Variants in GRIP1 observed in about 807,000 individuals in gnomAD.
The protein encoded by GRIP1 is glutamate receptor interacting protein 1.
A neutral mutation model predicts 129.9 loss-of-function variants in GRIP1; 45 were observed. That is an observed-to-expected ratio of 0.35 (90% CI 0.27 to 0.44). The LOEUF (loss-of-function observed/expected upper bound fraction) is 0.44, where lower values mean the gene tolerates loss of function less well. GRIP1 is among the 20% of genes least tolerant of loss of function. GRIP1 has a pLI of 1.00. For missense variants in GRIP1, 1,196 were observed against 1,396.8 expected (o/e 0.86, Z 2.29); for synonymous variants, 530 against 520.8 (o/e 1.02, Z -0.24).
At chr12:66,524,243 CTG>C (rs1565824983) in intron 5 of GRIP1, among the ~76,000 whole-genome samples, 3 of 152,170 alleles carry the variant, frequency 2.0e-5, no homozygotes, top group Non-Finnish European at 4.4e-5. Context: ...CAGCACCACA[CTG>C]CACCTATTCC....
At chr12:67,040,356 A>G (rs1450982618) in intron 1 of GRIP1, among the ~76,000 whole-genome samples, 1 of 152,220 alleles carries the variant, frequency 6.6e-6, no homozygotes, top group Non-Finnish European at 1.5e-5. Flanking sequence ...ATATGTTTTA[A>G]GTTCTGTTTC....
At chr12:66,860,408 T>C (rs1185639274) in intron 1 of GRIP1, among the ~76,000 whole-genome samples, 1 of 152,126 alleles carries the variant, frequency 6.6e-6, no homozygotes, top group Non-Finnish European at 1.5e-5. Flanking sequence ...AGCCCCTTTT[T>C]GAAAGTGTGT....
At chr12:66,696,804 CAAAAAAAAAAAAAA>C (rs35445606) in intron 1 of GRIP1, among the ~76,000 whole-genome samples, 2 of 103,714 alleles carry the variant, frequency 1.9e-5, no homozygotes, top group African/African-American at 8.1e-5. Flanking sequence ...GACTCTGTCT[CAAAAAAAAAAAAAA>C]AAAAAAAAAA....
chr12:66,377,151 G>T lies in GRIP1; in HGVS notation c.2733+23C>A. The T allele has an allele frequency of 3.8e-6, 6 of 1,568,552 alleles. No individual in the cohort carries two copies. In the South Asian group the frequency reaches 6.7e-5, roughly 17 times the overall value. On this transcript the variant is annotated intron_variant, in intron 21 of 24. Coordinates refer to ENST00000359742, the MANE Select transcript of GRIP1 (RefSeq NM_001366722.1). ...AAAAATGAATGTAGAAACAATAAAA[G>T]TAAGTAGCAGGACCAAGGCTACCTC...
At chr12:66,426,363 C>T (rs566683423) in intron 14 of GRIP1, among the ~76,000 whole-genome samples, 54 of 152,076 alleles carry the variant, frequency 3.6e-4, no homozygotes, top group African/African-American at 1.3e-3. Flanking sequence ...GAACATTTTC[C>T]TTAACTTTAT....
At chr12:66,826,480 A>G (rs1416441794) in intron 1 of GRIP1, among the ~76,000 whole-genome samples, 3 of 151,934 alleles carry the variant, frequency 2.0e-5, no homozygotes, top group Non-Finnish European at 4.4e-5. Flanking sequence ...CAAGTCTTCA[A>G]CTACTACTCA....
At chr12:66,372,374 T>A (rs1270011737) in intron 22 of GRIP1, 1 of 257,444 alleles carries the variant, frequency 3.9e-6, no homozygotes, top group African/African-American at 2.2e-5. Flanking sequence ...TGCCTCTATC[T>A]CCAACTGCAG....
chr12:66,523,316 T>C (rs139242014), intron 5 of GRIP1, among the ~76,000 whole-genome samples: 60,748 of 136,586 alleles, frequency 0.44, 14,737 homozygotes, highest in African/African-American at 0.52. Flanking sequence ...GCCCATCAGA[T>C]TAACAGCTGA....
At chr12:66,802,822 T>C (rs1222322850) in intron 1 of GRIP1, among the ~76,000 whole-genome samples, 2 of 152,206 alleles carry the variant, frequency 1.3e-5, no homozygotes, top group Non-Finnish European at 2.9e-5. Flanking sequence ...TTCTAGGATA[T>C]AGTACGGAAA....
At chr12:66,823,113 T>A (rs1185803576) in intron 1 of GRIP1, among the ~76,000 whole-genome samples, 16 of 152,236 alleles carry the variant, frequency 1.1e-4, no homozygotes, top group Non-Finnish European at 1.2e-4. Context: ...TTGTGCAACT[T>A]AACCTCTCTA....
intron 1 of GRIP1, among the ~76,000 whole-genome samples, chr12:66,730,428 T>C (rs932606414): frequency 6.6e-5 from 10 of 152,124 alleles, no homozygotes; most frequent in Non-Finnish European, 1.2e-4. Context: ...GCAGGAACAA[T>C]GGTTGAAAAA....
At chr12:66,843,672 T>G (rs2039761623) in intron 1 of GRIP1, among the ~76,000 whole-genome samples, 1 of 152,140 alleles carries the variant, frequency 6.6e-6, no homozygotes, top group African/African-American at 2.4e-5. Context: ...ACCAAATGAT[T>G]TCAACAAGGG....
At chr12:67,028,378 C>T (rs2042970032) in intron 1 of GRIP1, among the ~76,000 whole-genome samples, 1 of 152,102 alleles carries the variant, frequency 6.6e-6, no homozygotes, top group African/African-American at 2.4e-5. Context: ...AATAGAACGA[C>T]TTTTAAATAG....
rs557351380 is a variant in GRIP1, at chr12:66,839,059, C to T, written c.58+229991G>A. Among the ~76,000 whole-genome samples, 3 of 152,208 alleles carry T rather than the reference C, an allele frequency of 2.0e-5. No homozygotes were observed. In the South Asian group the frequency reaches 6.2e-4, roughly 32 times the overall value. On this transcript the variant is annotated intron_variant, in intron 1 of 1. Coordinates refer to the GRIP1 transcript ENST00000643019. Reference sequence around the variant, plus strand: ...ACACTAAGGGCTTGTCACTGCAATACTGAGCATTATCATAGCGACTATAGC... The same window carrying T: ...ACACTAAGGGCTTGTCACTGCAATATTGAGCATTATCATAGCGACTATAGC...
At chr12:66,482,643 A>T (rs548568827) in intron 7 of GRIP1, among the ~76,000 whole-genome samples, 2 of 152,314 alleles carry the variant, frequency 1.3e-5, no homozygotes, top group South Asian at 4.2e-4. Context: ...GGGATTTATG[A>T]AAAGTAGGAT....
At chr12:66,480,730 C>G (rs182338765) in intron 7 of GRIP1, among the ~76,000 whole-genome samples, 1 of 152,264 alleles carries the variant, frequency 6.6e-6, no homozygotes, top group East Asian at 1.9e-4. Context: ...ACCAATGGAA[C>G]AGAACAGAGG....
chr12:66,920,802 T>C (rs2041200832), intron 1 of GRIP1, among the ~76,000 whole-genome samples: 2 of 152,242 alleles, frequency 1.3e-5, no homozygotes, highest in South Asian at 4.1e-4. Flanking sequence ...CTTGTACTTA[T>C]TTTGAGTGTA....
intron 15 of GRIP1, among the ~76,000 whole-genome samples, chr12:66,418,822 G>A (rs1468454979): frequency 6.6e-6 from 1 of 152,122 alleles, no homozygotes; most frequent in Admixed American, 6.5e-5. Context: ...TGGAGGAAAG[G>A]GAACCCTGGT....
At chr12:66,939,805 C>T (rs891367537) in intron 1 of GRIP1, among the ~76,000 whole-genome samples, 15 of 152,108 alleles carry the variant, frequency 9.9e-5, no homozygotes, top group Non-Finnish European at 7.4e-5. Context: ...TGTAACTATA[C>T]TTCATTCAAA....
Sources: allele counts gnomAD v4.1 joint callset (sites outside exome capture counted in the v4.1 genomes callset), GRCh38; gene constraint gnomAD v4.1.1; transcripts MANE v1.5; gene names NCBI Gene and HGNC (gene_info 2026-07-23, HGNC 2026-07-21).